RGS3: variants seen among roughly 807,000 people sequenced by gnomAD.
RGS3 encodes the protein regulator of G-protein signalling 3.
In RGS3, 80 loss-of-function variants were observed where a neutral mutation model predicts 132.6. That is an observed-to-expected ratio of 0.60 (90% confidence interval 0.50 to 0.73). The LOEUF is 0.73. RGS3 is among the 30% of genes least tolerant of loss of function. The probability of loss-of-function intolerance (pLI) is 0.00; values close to 1 mark genes in which losing one functional copy is unlikely to be tolerated. For synonymous variants in RGS3, 598 were observed against 620.6 expected, an observed-to-expected ratio of 0.96 and a Z score of 0.54; for missense variants, 1,382 against 1,530.8, an observed-to-expected ratio of 0.90 and a Z score of 1.62.
chr9:113,445,701 C>T (rs1045485555), intron 1 of RGS3, among the ~76,000 whole-genome samples: 1 of 152,000 alleles, frequency 6.6e-6, no homozygotes, highest in African/African-American at 2.4e-5. Flanking sequence ...TGTTTTGAGA[C>T]AGACTCTCCC....
chr9:113,517,581 C>T, exon 16 of RGS3: 1 of 1,613,616 alleles, frequency 6.2e-7, no homozygotes, highest in Non-Finnish European at 8.5e-7. Flanking sequence ...CTCCTGCTGT[C>T]AGAGGAGCTG....
At chr9:113,574,399 C>G (rs1410238251) in intron 19 of RGS3, among the ~76,000 whole-genome samples, 4 of 152,216 alleles carry the variant, frequency 2.6e-5, no homozygotes, top group African/African-American at 9.6e-5. Context: ...CTTCCACAGC[C>G]TCCTAGCATG....
chr9:113,500,920 C>T (rs1830858977), intron 10 of RGS3, among the ~76,000 whole-genome samples: 1 of 152,074 alleles, frequency 6.6e-6, no homozygotes, highest in Admixed American at 6.6e-5. Context: ...GAACTCCTGA[C>T]CCCAAGTGAT....
At chr9:113,586,990 C>T (rs1835149426) in intron 20 of RGS3, among the ~76,000 whole-genome samples, 2 of 152,164 alleles carry the variant, frequency 1.3e-5, no homozygotes, top group Non-Finnish European at 2.9e-5. Context: ...GAGCAGTAAC[C>T]AGGGTAGTAC....
chr9:113,543,935 G>A (rs1366671015), intron 19 of RGS3, among the ~76,000 whole-genome samples: 3 of 152,146 alleles, frequency 2.0e-5, no homozygotes, highest in Non-Finnish European at 4.4e-5. Context: ...CTCTCAAATC[G>A]ATCGAACAAT....
At position 113,461,736 on chromosome 9, in the gene RGS3, A is replaced by G. The variant is rs201175305; in HGVS notation, c.110A>G (p.Asn37Ser). 25 of 1,613,874 alleles carry G rather than the reference A, an allele frequency of 1.5e-5. No individual in the cohort carries two copies. Among genetic ancestry groups the G allele is most frequent in the East Asian group, 4.5e-5 (2 of 44,860 alleles). The change falls in exon 2 of 25, where the codon AAT (asparagine) becomes AGT (serine). Residue 37 changes from asparagine (N) to serine (S), a missense_variant. Asn to Ser is a conservative substitution (Grantham distance 46). Coordinates refer to ENST00000350696, the Ensembl canonical transcript of RGS3. ...CATTCAGACAGCACACCTTTGCCCA[A>G]TTTTCTTTCTGGATCTCACCGTCCT...
At chr9:113,585,243 T>C (rs1047181408) in intron 20 of RGS3, among the ~76,000 whole-genome samples, 4 of 152,204 alleles carry the variant, frequency 2.6e-5, no homozygotes, top group African/African-American at 9.7e-5. Flanking sequence ...CTAGTTTGGG[T>C]CTGGGCTCTG....
At chr9:113,497,449 CT>C in intron 9 of RGS3, 45 bp downstream of exon 7, 1 of 1,503,344 alleles carries the variant, frequency 6.7e-7, no homozygotes, top group South Asian at 1.1e-5. Flanking sequence ...GACCTGCCCC[CT>C]CCCTCCTTTC....
At chr9:113,467,309 CTT>C (rs1261868469) in intron 3 of RGS3, among the ~76,000 whole-genome samples, 2 of 152,180 alleles carry the variant, frequency 1.3e-5, no homozygotes, top group East Asian at 3.8e-4. Flanking sequence ...CTACCAAACT[CTT>C]TTCCAAAGTA....
intron 19 of RGS3, among the ~76,000 whole-genome samples, chr9:113,568,200 G>C (rs1419337283): frequency 2.0e-5 from 3 of 152,238 alleles, no homozygotes; most frequent in Non-Finnish European, 4.4e-5. Context: ...AGGCCTCTCT[G>C]TACTGCACCA....
chr9:113,536,373 G>A (rs904220527), intron 18 of RGS3: 2 of 555,712 alleles, frequency 3.6e-6, no homozygotes, highest in African/African-American at 2.0e-5. Flanking sequence ...AGGAAGATGG[G>A]TTCTGTGAGC....
intron 19 of RGS3, among the ~76,000 whole-genome samples, chr9:113,578,783 G>A (rs1834651906): frequency 6.6e-6 from 1 of 152,186 alleles, no homozygotes; most frequent in Non-Finnish European, 1.5e-5. Context: ...CCAAGGCAGG[G>A]CAGGAATTCT....
upstream of RGS3, among the ~76,000 whole-genome samples, chr9:113,459,886 A>G (rs1829436399): frequency 1.3e-5 from 2 of 151,974 alleles, no homozygotes; most frequent in South Asian, 2.1e-4. Flanking sequence ...TAAAAATACA[A>G]AAAATTAGCC....
In RGS3 at chr9:113,594,989, G is replaced by A. The variant is rs774600195; in HGVS notation, c.3244+9G>A. The A allele has an allele frequency of 5.0e-6, 8 of 1,613,890 alleles. No individual in the cohort carries two copies. The East Asian group carries it at 1.6e-4, about 31-fold the overall frequency. The stretch of plus-strand genomic sequence containing the variant: ...GCTGCTGGTTCACAAATGTAAGTTG[G>A]GCCTGCCTGCCCACTCCCTGTGCCC... On this transcript the variant is annotated intron_variant, in intron 23 of 24. Coordinates refer to ENST00000350696, the Ensembl canonical transcript of RGS3.
chr9:113,507,158 C>A lies in RGS3; in HGVS notation c.1086-129C>A. 1.4e-6 allele frequency: 1 copy of A among 720,350 alleles called. No individual in the cohort carries two copies. The highest frequency in any genetic ancestry group is 2.3e-6 in the Non-Finnish European group (1 of 438,098). 44.6% of individuals were successfully genotyped at this position (720,350 alleles called of 1,614,324 possible). A position where few individuals can be genotyped will look rare whatever the true frequency, so the allele number is the denominator to read the frequency against. ...CTTCTTGCATCCCTTCCTGCCCTGA[C>A]ACTGGGGGCTTCCCCTCTGGTGTCT... On this transcript the variant is annotated intron_variant, in intron 12 of 24. Transcript: ENST00000350696. The surrounding 1 kb of genome is among the most constrained non-coding windows in gnomAD (Gnocchi z 5.0).
At chr9:113,475,553 G>A (rs918116194) in intron 3 of RGS3, among the ~76,000 whole-genome samples, 3 of 152,034 alleles carry the variant, frequency 2.0e-5, no homozygotes, top group African/African-American at 4.8e-5. Context: ...CTACAGGCAC[G>A]CACCACGGTG....
chr9:113,546,672 G>C (rs911048630), intron 19 of RGS3, among the ~76,000 whole-genome samples: 3 of 152,196 alleles, frequency 2.0e-5, no homozygotes, highest in South Asian at 2.1e-4. Context: ...GTGGAGACCA[G>C]AGCATGGATC....
chr9:113,569,779 AT>A (rs1255977668), intron 19 of RGS3, among the ~76,000 whole-genome samples: 1 of 152,046 alleles, frequency 6.6e-6, no homozygotes, highest in Non-Finnish European at 1.5e-5. Context: ...CACAGCTTTA[AT>A]GGAGAGGCAT....
chr9:113,455,475 G>A (rs937397550), upstream of RGS3, among the ~76,000 whole-genome samples: 2 of 152,194 alleles, frequency 1.3e-5, no homozygotes, highest in African/African-American at 4.8e-5. Flanking sequence ...CAGGCACTCT[G>A]CTTTTCTGGC....
Sources: allele counts gnomAD v4.1 joint callset (sites outside exome capture counted in the v4.1 genomes callset), GRCh38; gene constraint gnomAD v4.1.1; non-coding constraint Gnocchi (gnomAD v3.1); transcripts MANE v1.5; gene names NCBI Gene and HGNC (gene_info 2026-07-23, HGNC 2026-07-21).